SH3YL1: variants seen among roughly 807,000 people sequenced by gnomAD.
SH3YL1 encodes SH3 and SYLF domain containing 1.
A neutral mutation model predicts 45.8 loss-of-function variants in SH3YL1; 41 were observed. That is an observed-to-expected ratio of 0.89 (90% CI 0.70 to 1.16). SH3YL1 has a LOEUF of 1.16. Ranked by LOEUF, SH3YL1 falls within the 50% of genes most tolerant of loss-of-function variation. The probability of loss-of-function intolerance (pLI) is 0.00; values close to 1 mark genes in which losing one functional copy is unlikely to be tolerated. For synonymous variants in SH3YL1, 152 were observed against 151.4 expected, an observed-to-expected ratio of 1.00 and a Z score of -0.03; for missense variants, 389 against 409.6, an observed-to-expected ratio of 0.95 and a Z score of 0.43.
chr2:262,225 C>A (rs1448130979), intron 1 of SH3YL1: 2 of 156,510 alleles, frequency 1.3e-5, no homozygotes, highest in South Asian at 3.9e-4. Flanking sequence ...GGTTTAACTA[C>A]TTCCTTTGTT....
At chr2:247,755 T>C (rs1354464484) in intron 3 of SH3YL1, among the ~76,000 whole-genome samples, 153 bp from the exon 4 acceptor site, 1 of 152,216 alleles carries the variant, frequency 6.6e-6, no homozygotes, top group Non-Finnish European at 1.5e-5. Flanking sequence ...TCAAAAAGAA[T>C]ATGTAATTTT....
chr2:245,375 G>A (rs1267714048), intron 4 of SH3YL1, among the ~76,000 whole-genome samples: 1 of 152,156 alleles, frequency 6.6e-6, no homozygotes, highest in Non-Finnish European at 1.5e-5. Context: ...CTGTCATGAA[G>A]ACAGGCTTTG....
chr2:242,378 C>T (rs556376591), intron 4 of SH3YL1, among the ~76,000 whole-genome samples: 3 of 151,156 alleles, frequency 2.0e-5, no homozygotes, highest in Non-Finnish European at 4.4e-5. Flanking sequence ...AGTAATAGCA[C>T]AAAAAAGGAG....
chr2:262,665 G>A (rs770368350), intron 1 of SH3YL1: 2 of 1,304,254 alleles, frequency 1.5e-6, no homozygotes, highest in Non-Finnish European at 2.0e-6. Context: ...GGACTTGTGA[G>A]GCTCTCAGCA....
chr2:222,174 C>T (rs1459804008), intron 9 of SH3YL1, among the ~76,000 whole-genome samples: 3 of 152,152 alleles, frequency 2.0e-5, no homozygotes, highest in African/African-American at 7.2e-5. Context: ...TTGGCCATTT[C>T]CTTTATAATA....
chr2:224,413 T>C (rs1348874169), intron 9 of SH3YL1, among the ~76,000 whole-genome samples: 1 of 152,208 alleles, frequency 6.6e-6, no homozygotes, highest in Admixed American at 6.5e-5. Context: ...AAGGATGAAA[T>C]TGTAATTCAG....
intron 4 of SH3YL1, among the ~76,000 whole-genome samples, chr2:246,591 G>C (rs906729457): frequency 6.6e-6 from 1 of 151,758 alleles, no homozygotes; most frequent in African/African-American, 2.4e-5. Flanking sequence ...GGTGGAGGTG[G>C]GGAAAGGGGA....
Position 218,754 on chromosome 2 carries a change from C to T in SH3YL1, c.*57G>A. ...ATTAAACATTGCTTAACTAGTAAAT[C>T]CTGTCAGTGTAGAAATAATTTTTTT... is the stretch of plus-strand genomic sequence containing the variant. On this transcript the variant is annotated 3_prime_UTR_variant, in exon 10 of 10. Coordinates refer to ENST00000356150, the MANE Select transcript of SH3YL1 (RefSeq NM_015677.4). The T allele has an allele frequency of 7.2e-7, 1 of 1,380,048 alleles. No individual in the cohort carries two copies. The highest frequency in any genetic ancestry group is 9.8e-7 in the Non-Finnish European group (1 of 1,020,910). 85.5% of individuals were successfully genotyped at this position (1,380,048 alleles called of 1,614,324 possible). A position where few individuals can be genotyped will look rare whatever the true frequency, so the allele number is the denominator to read the frequency against.
At chr2:224,955 C>T in intron 8 of SH3YL1, 35 bp from the exon 9 acceptor site, 1 of 1,539,456 alleles carries the variant, frequency 6.5e-7, no homozygotes, top group Non-Finnish European at 9.0e-7. Flanking sequence ...ATTTTGAAAA[C>T]TGATTAGTAT....
At chr2:261,620 T>C (rs998365589) in intron 1 of SH3YL1, among the ~76,000 whole-genome samples, 1 of 152,208 alleles carries the variant, frequency 6.6e-6, no homozygotes, top group African/African-American at 2.4e-5. Context: ...ATTTTAGGTA[T>C]TGATCGCAGT....
At chr2:219,910 CACAAGT>C (rs1359211899) in intron 9 of SH3YL1, among the ~76,000 whole-genome samples, 4 of 151,930 alleles carry the variant, frequency 2.6e-5, no homozygotes, top group African/African-American at 9.7e-5. Flanking sequence ...CTACATGTTT[CACAAGT>C]ACTTCAATGC....
intron 4 of SH3YL1, chr2:239,436 TCCGGAGAAAAA>T (rs1299930575): frequency 1.3e-5 from 2 of 152,146 alleles, no homozygotes; most frequent in African/African-American, 4.8e-5. Context: ...ACGGGAGATG[TCCGGAGAAAAA>T]CTGAGACTGA....
Position 234,163 on chromosome 2 carries a change from C to T in SH3YL1, c.401G>A (p.Gly134Glu). ...GNLTVAVGPL[G>E]RNLEGNVALR... is the part of the protein sequence containing the mutation. ...AACATCTATTTAAAGAACTCACCTT[C>T]CCAAGGGCCCAACCGCCACAGTCAA... Residue 134 changes from glycine (G) to glutamate (E), a missense_variant, in exon 5 of 10, where the codon GGA becomes GAA. Gly to Glu is a moderately conservative substitution (Grantham distance 98). Coordinates refer to ENST00000356150, the MANE Select transcript of SH3YL1 (RefSeq NM_015677.4). The T allele has an allele frequency of 1.9e-6, 3 of 1,611,542 alleles. No homozygotes were observed. Among genetic ancestry groups the T allele is most frequent in the African/African-American group, 2.7e-5 (2 of 74,852 alleles).
chr2:257,565 G>A (rs1347568344), intron 1 of SH3YL1, among the ~76,000 whole-genome samples: 1 of 152,192 alleles, frequency 6.6e-6, no homozygotes, highest in Non-Finnish European at 1.5e-5. Flanking sequence ...ACTGCTAAGT[G>A]TTCACATAAG....
In SH3YL1 at chr2:229,677, C is replaced by T. The variant is rs533395851; in HGVS notation, c.781+289G>A. Among the ~76,000 whole-genome samples, 1,036 of 140,344 alleles carry T rather than the reference C, an allele frequency of 7.4e-3. 9 individuals carry two copies. Among genetic ancestry groups the T allele is most frequent in the Middle Eastern group, 0.021 (5 of 234 alleles). The allele number at this position is 140,344 out of a possible 152,430, so 92.1% of individuals were successfully genotyped here. A position where few individuals can be genotyped will look rare whatever the true frequency, so the allele number is the denominator to read the frequency against. ...CCGGGAGGCGGAGCTTGCAGTGAGC[C>T]GAGATCCCGCCACTGCACTCCAGCC... On this transcript the variant is annotated intron_variant, in intron 8 of 9. Transcript: ENST00000356150.
chr2:232,990 AACC>A, intron 6 of SH3YL1, 108 bp downstream of exon 6: 1 of 928,568 alleles, frequency 1.1e-6, no homozygotes. Flanking sequence ...ACACACTTAA[AACC>A]ACATGTTGTA....
intron 2 of SH3YL1, among the ~76,000 whole-genome samples, chr2:252,388 G>A (rs1266648082): frequency 1.3e-5 from 2 of 152,216 alleles, no homozygotes; most frequent in Non-Finnish European, 2.9e-5. Context: ...GGACAGGCGA[G>A]GCTGCAGAGA....
intron 9 of SH3YL1, among the ~76,000 whole-genome samples, chr2:223,313 A>G (rs1040092169): frequency 8.5e-5 from 13 of 152,170 alleles, no homozygotes; most frequent in African/African-American, 2.9e-4. Context: ...AAGGAACTCT[A>G]GTTCCCAATG....
chr2:238,800 ATC>A (rs1055355597), intron 4 of SH3YL1, among the ~76,000 whole-genome samples: 49 of 152,172 alleles, frequency 3.2e-4, no homozygotes, highest in African/African-American at 1.2e-3. Context: ...CTCTTTACTA[ATC>A]TCTCTCTCTT....
Sources: allele counts gnomAD v4.1 joint callset (sites outside exome capture counted in the v4.1 genomes callset), GRCh38; gene constraint gnomAD v4.1.1; transcripts MANE v1.5; gene names NCBI Gene and HGNC (gene_info 2026-07-23, HGNC 2026-07-21).